Variants in DNM1 observed in about 807,000 individuals in gnomAD.
DNM1 encodes the protein dynamin 1, also known as dynamin-1.
Under a neutral mutation model 104.6 loss-of-function variants are expected in DNM1, and 29 were observed. That is an observed-to-expected ratio of 0.28 (90% CI 0.21 to 0.38). DNM1 has a LOEUF of 0.38. Ranked by LOEUF, DNM1 falls within the 10% of genes least tolerant of loss-of-function variation. The probability of loss-of-function intolerance (pLI) is 1.00; values close to 1 mark genes in which losing one functional copy is unlikely to be tolerated. For synonymous variants in DNM1, 445 were observed against 475.8 expected (o/e 0.94, Z 0.84); for missense variants, 640 against 1,189.4 (o/e 0.54, Z 6.79).
rs73672448 is a variant in DNM1, at chr9:128,219,387, G to C, written c.589+135G>C. 121,782 of 782,420 alleles carry C rather than the reference G, an allele frequency of 0.16. 10,880 individuals carry two copies. The highest frequency in any genetic ancestry group is 0.34 in the East Asian group (12,673 of 37,240). 48.5% of individuals were successfully genotyped at this position (782,420 alleles called of 1,614,324 possible). A position where few individuals can be genotyped will look rare whatever the true frequency, so the allele number is the denominator to read the frequency against. Reference sequence around the variant, plus strand: ...TTGTACCTTTAAAAATCACTTTGGGGGTCAGGCATGGTAGCTCATGCCTGT... The same window carrying C: ...TTGTACCTTTAAAAATCACTTTGGGCGTCAGGCATGGTAGCTCATGCCTGT... On this transcript the variant is annotated intron_variant, in intron 4 of 21. Transcript: ENST00000372923.
Position 128,224,233 on chromosome 9 carries a change from C to A in DNM1, c.1197-18C>A. 2 of 1,611,028 alleles carry A rather than the reference C, an allele frequency of 1.2e-6. No homozygotes were observed. Among genetic ancestry groups the A allele is most frequent in the Non-Finnish European group, 1.7e-6 (2 of 1,178,354 alleles). On this transcript the variant is annotated intron_variant, in intron 9 of 21. Coordinates refer to ENST00000372923, the MANE Select transcript of DNM1 (RefSeq NM_004408.4). This position sits in a 1 kb window ranked among gnomAD's most constrained non-coding sequence, Gnocchi z 4.3. The stretch of plus-strand genomic sequence containing the variant: ...CTGGCCTGTGACACTCTGCCCTTCT[C>A]CCGCTCCGGGCGTTCAGAACGGGGC...
rs1564358627 is a variant in DNM1, at chr9:128,254,652, A to G, written c.2535-2A>G. 1.3e-6 allele frequency: 2 copies of G among 1,591,728 alleles called. No individual in the cohort carries two copies. The highest frequency in any genetic ancestry group is 1.3e-5 in the African/African-American group (1 of 74,482). On this transcript the variant is annotated splice_acceptor_variant, in intron 21 of 21. Coordinates refer to ENST00000372923, the MANE Select transcript of DNM1 (RefSeq NM_004408.4). LOFTEE classifies it high-confidence loss of function. The surrounding 1 kb of genome is among the most constrained non-coding windows in gnomAD (Gnocchi z 6.1). ...TCTCTCTGCTTTCTCTCCAACTGCC[A>G]GCCGATCGGGTCAGGCAAGTCCATC...
intron 11 of DNM1, among the ~76,000 whole-genome samples, chr9:128,235,310 A>G (rs1286888379): frequency 1.3e-5 from 2 of 152,006 alleles, no homozygotes; most frequent in African/African-American, 2.4e-5. Flanking sequence ...CCTGGCCAAC[A>G]TGGTGAAACC....
chr9:128,229,884 G>C (rs1462464680), intron 10 of DNM1, among the ~76,000 whole-genome samples: 1 of 151,938 alleles, frequency 6.6e-6, no homozygotes, highest in Non-Finnish European at 1.5e-5. Context: ...CTGCACTCCA[G>C]CCTGGGTGAC....
At position 128,254,049 on chromosome 9, in the gene DNM1, C is replaced by G; in HGVS notation, c.2535-605C>G. On this transcript the variant is annotated intron_variant, in intron 21 of 21. Transcript: ENST00000372923. This position sits in a 1 kb window ranked among gnomAD's most constrained non-coding sequence, Gnocchi z 6.1. ...ACCTACGAGACCTGCAGCCCCCCGA[C>G]CAGCTGAGGCTCCCCTCTTAGACTT... The G allele has an allele frequency of 8.1e-7, 1 of 1,236,920 alleles. No homozygotes were observed. The highest frequency in any genetic ancestry group is 4.0e-5 in the South Asian group (1 of 24,738). 76.6% of individuals were successfully genotyped at this position (1,236,920 alleles called of 1,614,324 possible).
Position 128,224,471 on chromosome 9 carries a change from C to G in DNM1, c.1335+82C>G, listed in dbSNP as rs890374856. 4.1e-5 allele frequency: 58 copies of G among 1,411,974 alleles called. No individual in the cohort carries two copies. The highest frequency in any genetic ancestry group is 3.0e-4 in the East Asian group (13 of 43,180). The allele number at this position is 1,411,974 out of a possible 1,614,324, so 87.5% of individuals were successfully genotyped here. ...CAGGCGCTCCTTCCCCATGTCCCCCCCTGCCTCCTCGGTAGCATGTACAGA... is the reference window on the plus strand; with the variant it reads ...CAGGCGCTCCTTCCCCATGTCCCCCGCTGCCTCCTCGGTAGCATGTACAGA... On this transcript the variant is annotated intron_variant, in intron 10 of 21. Transcript: ENST00000372923. The surrounding 1 kb of genome is among the most constrained non-coding windows in gnomAD (Gnocchi z 4.3).
intron 1 of DNM1, among the ~76,000 whole-genome samples, chr9:128,208,811 C>A (rs1456732670): frequency 2.0e-5 from 3 of 152,090 alleles, no homozygotes; most frequent in Non-Finnish European, 4.4e-5. Context: ...GGGAGGGGGG[C>A]TTTCTGGGCC....
At chr9:128,229,232 AT>A (rs199839499) in intron 10 of DNM1, among the ~76,000 whole-genome samples, 3,606 of 149,278 alleles carry the variant, frequency 0.024, 136 homozygotes, top group East Asian at 0.17. Context: ...TCTCTACAAA[AT>A]TTTTTTTTTT....
chr9:128,207,285 C>T (rs953777690), intron 1 of DNM1, among the ~76,000 whole-genome samples: 4 of 151,842 alleles, frequency 2.6e-5, no homozygotes, highest in East Asian at 1.9e-4. Context: ...AGGGGGAAGA[C>T]GGGCTGGAAG....
intron 20 of DNM1, among the ~76,000 whole-genome samples, 169 bp from the exon 21 acceptor site, chr9:128,250,556 C>A (rs1829451636): frequency 6.6e-6 from 1 of 152,022 alleles, no homozygotes; most frequent in South Asian, 2.1e-4. Flanking sequence ...GGAGCTGGGG[C>A]GTTGGCGCCG....
intron 1 of DNM1, among the ~76,000 whole-genome samples, chr9:128,207,192 T>C (rs771659741): frequency 1.6e-4 from 24 of 152,030 alleles, no homozygotes; most frequent in Non-Finnish European, 2.5e-4. Flanking sequence ...GGTTTGGTTC[T>C]GAACATATTG....
chr9:128,247,593 T>C lies in DNM1; in HGVS notation c.1893+107T>C. The stretch of plus-strand genomic sequence containing the variant: ...CCATGTTTCCGAGCCCTTATTTGGC[T>C]CAGAAATAATAGGAATCCTCCCCCC... On this transcript the variant is annotated intron_variant, in intron 17 of 21. Transcript: ENST00000372923. The surrounding 1 kb of genome is among the most constrained non-coding windows in gnomAD (Gnocchi z 5.1). 2 of 957,212 alleles carry C rather than the reference T, an allele frequency of 2.1e-6. No homozygotes were observed. Among genetic ancestry groups the C allele is most frequent in the Non-Finnish European group, 3.2e-6 (2 of 625,000 alleles). 59.3% of individuals were successfully genotyped at this position (957,212 alleles called of 1,614,324 possible).
intron 1 of DNM1, among the ~76,000 whole-genome samples, chr9:128,208,161 G>A (rs1834086229): frequency 6.6e-6 from 1 of 152,028 alleles, no homozygotes; most frequent in Non-Finnish European, 1.5e-5. Context: ...CCAAGTTCAA[G>A]TGATTCTCCT....
rs751325998 is a variant in DNM1 at position 128,218,255 on chromosome 9, C to T, written c.186C>T (p.Gly62=). 3 of 1,614,060 alleles carry T rather than the reference C, an allele frequency of 1.9e-6. No individual in the cohort carries two copies. In the Admixed American group the frequency reaches 5.0e-5, roughly 27 times the overall value. The change falls in exon 2 of 22, where the codon GGC becomes GGT. Residue 62 remains glycine (G), a synonymous_variant. Coordinates refer to ENST00000372923, the MANE Select transcript of DNM1 (RefSeq NM_004408.4). The surrounding 1 kb of genome is among the most constrained non-coding windows in gnomAD (Gnocchi z 4.8). ...GGGACTTCTTGCCTCGAGGATCTGG[C>T]ATTGTCACCCGACGTCCCCTGGTCT... ...VGRDFLPRGS[G]IVTRRPLVLQ... is the part of the protein sequence containing the mutation.
chr9:128,254,400 TGTGGG>T lies in DNM1; in HGVS notation c.2535-247_2535-243del, dbSNP rs1829721036. ...GGGTGCCGTGTGAGAGGCCAGCGTG[TGTGGG>T]GTGGGGAGGGCCGCCACAGCCCCCA... is the stretch of plus-strand genomic sequence containing the variant. On this transcript the variant is annotated intron_variant, in intron 21 of 21. Coordinates refer to ENST00000372923, the MANE Select transcript of DNM1 (RefSeq NM_004408.4). The surrounding 1 kb of genome is among the most constrained non-coding windows in gnomAD (Gnocchi z 6.1). 1.4e-6 allele frequency: 2 copies of T among 1,423,270 alleles called. No homozygotes were observed. The highest frequency in any genetic ancestry group is 3.1e-5 in the South Asian group (2 of 64,738). The allele number at this position is 1,423,270 out of a possible 1,614,324, so 88.2% of individuals were successfully genotyped here.
Position 128,218,206 on chromosome 9 carries a change from T to A in DNM1, c.162-25T>A, listed in dbSNP as rs766761233. On this transcript the variant is annotated intron_variant, in intron 1 of 21. Transcript: ENST00000372923. The surrounding 1 kb of genome is among the most constrained non-coding windows in gnomAD (Gnocchi z 4.8). Reference sequence around the variant, plus strand: ...AGGGCGCCCCCTCATATCTTGACCCTCCTTTGACCTCCAACTCATTGCAGG... The same window carrying A: ...AGGGCGCCCCCTCATATCTTGACCCACCTTTGACCTCCAACTCATTGCAGG... 1 of 1,613,064 alleles carries A rather than the reference T, an allele frequency of 6.2e-7. No individual in the cohort carries two copies. Among genetic ancestry groups the A allele is most frequent in the Non-Finnish European group, 8.5e-7 (1 of 1,179,126 alleles).
At chr9:128,229,232 A>T (rs528834731) in intron 10 of DNM1, among the ~76,000 whole-genome samples, 253 of 149,382 alleles carry the variant, frequency 1.7e-3, no homozygotes, top group Non-Finnish European at 2.4e-3. Context: ...TCTCTACAAA[A>T]TTTTTTTTTT....
At chr9:128,234,649 C>T (rs541087500) in intron 11 of DNM1, among the ~76,000 whole-genome samples, 8 of 152,316 alleles carry the variant, frequency 5.3e-5, no homozygotes, top group African/African-American at 1.9e-4. Flanking sequence ...GCTGGGATTA[C>T]AGGCGTGAGC....
At chr9:128,251,101 G>A in intron 21 of DNM1, 161 bp downstream of exon 21, 1 of 657,460 alleles carries the variant, frequency 1.5e-6, no homozygotes, top group Non-Finnish European at 2.7e-6. Flanking sequence ...GTGTGGCCGA[G>A]GGCTGGCGGA....
Sources: allele counts gnomAD v4.1 joint callset (sites outside exome capture counted in the v4.1 genomes callset), GRCh38; gene constraint gnomAD v4.1.1; non-coding constraint Gnocchi (gnomAD v3.1); transcripts MANE v1.5; gene names NCBI Gene and HGNC (gene_info 2026-07-23, HGNC 2026-07-21).